The following LSAMP variants were observed in gnomAD, a reference collection of about 807,000 sequenced individuals.
LSAMP encodes limbic system associated membrane protein.
A neutral mutation model predicts 38.6 loss-of-function variants in LSAMP; 7 were observed. That is an observed-to-expected ratio of 0.18 (90% CI 0.10 to 0.34). LSAMP has a LOEUF of 0.34. Ranked by LOEUF, LSAMP falls within the 10% of genes least tolerant of loss-of-function variation. The pLI is 1.00. For missense variants in LSAMP, 313 were observed against 420.0 expected, an observed-to-expected ratio of 0.75 and a Z score of 2.23; for synonymous variants, 154 against 166.8, an observed-to-expected ratio of 0.92 and a Z score of 0.59.
chr3:116,404,718 A>G (rs962106679), intron 1 of LSAMP, among the ~76,000 whole-genome samples: 2 of 152,194 alleles, frequency 1.3e-5, no homozygotes, highest in Admixed American at 6.5e-5. Flanking sequence ...AGCCAACCTC[A>G]GACAGATCAC....
At chr3:116,331,673 T>C (rs865917731) in intron 1 of LSAMP, among the ~76,000 whole-genome samples, 9 of 152,236 alleles carry the variant, frequency 5.9e-5, no homozygotes, top group Non-Finnish European at 1.0e-4. Context: ...CATGGAGTTC[T>C]GCAAGGTAAA....
chr3:116,217,033 T>TC (rs1479977374), intron 1 of LSAMP, among the ~76,000 whole-genome samples: 1 of 152,174 alleles, frequency 6.6e-6, no homozygotes, highest in Non-Finnish European at 1.5e-5. Flanking sequence ...ATTGGAAATA[T>TC]CACAATCGGG....
chr3:116,034,344 C>T (rs1329334429), intron 2 of LSAMP, among the ~76,000 whole-genome samples: 2 of 152,034 alleles, frequency 1.3e-5, no homozygotes, highest in Admixed American at 1.3e-4. Flanking sequence ...ATTCTCAGCC[C>T]ATATCTCTTC....
intron 3 of LSAMP, among the ~76,000 whole-genome samples, chr3:115,965,473 A>G (rs1040249346): frequency 6.6e-6 from 1 of 151,958 alleles, no homozygotes; most frequent in Non-Finnish European, 1.5e-5. Flanking sequence ...TTCTCAAATA[A>G]GATACAAAAA....
At chr3:116,292,432 A>G (rs1189965534) in intron 1 of LSAMP, among the ~76,000 whole-genome samples, 1 of 152,216 alleles carries the variant, frequency 6.6e-6, no homozygotes, top group East Asian at 1.9e-4. Flanking sequence ...TGTGCTGCCT[A>G]TATCAGAGGG....
At chr3:116,050,019 G>C (rs1941364378) in intron 2 of LSAMP, among the ~76,000 whole-genome samples, 1 of 152,176 alleles carries the variant, frequency 6.6e-6, no homozygotes. Context: ...CCCCTGCTCT[G>C]TGCCCTGGGA....
At chr3:116,132,992 T>C (rs1211761403) in intron 1 of LSAMP, among the ~76,000 whole-genome samples, 1 of 152,200 alleles carries the variant, frequency 6.6e-6, no homozygotes, top group African/African-American at 2.4e-5. Flanking sequence ...GAGATCTTGG[T>C]TATAAATGGT....
chr3:116,368,549 C>T (rs1354753487), intron 1 of LSAMP, among the ~76,000 whole-genome samples: 1 of 152,134 alleles, frequency 6.6e-6, no homozygotes, highest in African/African-American at 2.4e-5. Flanking sequence ...CACAAAGCTG[C>T]ATGAAGAGTC....
intron 1 of LSAMP, among the ~76,000 whole-genome samples, chr3:116,267,852 T>C (rs2046912673): frequency 6.6e-6 from 1 of 152,038 alleles, no homozygotes; most frequent in Non-Finnish European, 1.5e-5. Context: ...AATCCTCCAG[T>C]TTATAGTCTC....
At chr3:115,979,562 A>G (rs763541210) in intron 3 of LSAMP, among the ~76,000 whole-genome samples, 2 of 152,148 alleles carry the variant, frequency 1.3e-5, no homozygotes, top group African/African-American at 4.8e-5. Context: ...GGGCCCAGAA[A>G]TATAAGCAGA....
chr3:116,388,995 C>T (rs1008277648), intron 1 of LSAMP, among the ~76,000 whole-genome samples: 1 of 152,134 alleles, frequency 6.6e-6, no homozygotes, highest in Non-Finnish European at 1.5e-5. Context: ...GGTGCAATTG[C>T]AAATCTCCAG....
rs187261833 is a variant in LSAMP, at chr3:116,260,395, G to A, written c.156-173839C>T. The stretch of plus-strand genomic sequence containing the variant: ...CACATACACATTTTTTAAAATTTTC[G>A]AATAATATATAAATAATAATGAACT... On this transcript the variant is annotated intron_variant, in intron 1 of 6. Coordinates refer to ENST00000490035, the MANE Select transcript of LSAMP (RefSeq NM_002338.5). Among the ~76,000 whole-genome samples the A allele has an allele frequency of 7.3e-4, 111 of 151,324 alleles. 2 individuals carry two copies. The East Asian group carries it at 0.015, about 20-fold the overall frequency.
rs551891329 is a variant in LSAMP at position 115,809,235 on chromosome 3, C to T, written c.*1082G>A. The stretch of plus-strand genomic sequence containing the variant: ...TCCTTATGCTGTTTGCTTACCCCAT[C>T]GATAGTAGGCACTTTCATTTACAGT... On this transcript the variant is annotated 3_prime_UTR_variant, in exon 7 of 7. Transcript: ENST00000490035. 5.6e-4 allele frequency: 85 copies of T among 152,290 alleles called. No homozygotes were observed. Among genetic ancestry groups the T allele is most frequent in the African/African-American group, 1.8e-3 (75 of 41,556 alleles). The allele number at this position is 152,290 out of a possible 1,614,324, so 9.4% of individuals were successfully genotyped here. A position where few individuals can be genotyped will look rare whatever the true frequency, so the allele number is the denominator to read the frequency against.
At chr3:116,260,420 T>G (rs2046809687) in intron 1 of LSAMP, among the ~76,000 whole-genome samples, 1 of 151,784 alleles carries the variant, frequency 6.6e-6, no homozygotes, top group South Asian at 2.1e-4. Context: ...AATAATGAAC[T>G]GCTATATTAA....
intron 3 of LSAMP, among the ~76,000 whole-genome samples, chr3:115,980,699 A>G (rs1939332395): frequency 1.3e-5 from 2 of 152,018 alleles, no homozygotes; most frequent in African/African-American, 4.8e-5. Flanking sequence ...ATCCACTTCT[A>G]TTTTCCATTT....
chr3:116,433,351 A>T, intron 1 of LSAMP, among the ~76,000 whole-genome samples: 1 of 152,212 alleles, frequency 6.6e-6, no homozygotes, highest in South Asian at 2.1e-4. Context: ...GAGATGCATC[A>T]TTAGACAATT....
intron 3 of LSAMP, among the ~76,000 whole-genome samples, chr3:115,955,405 G>A (rs544080641): frequency 9.9e-5 from 15 of 152,092 alleles, no homozygotes; most frequent in African/African-American, 2.2e-4. Flanking sequence ...CCAGCAGACC[G>A]TGTTCACTTC....
At chr3:116,053,574 T>C (rs1305710739) in intron 2 of LSAMP, among the ~76,000 whole-genome samples, 3 of 152,120 alleles carry the variant, frequency 2.0e-5, no homozygotes, top group African/African-American at 7.2e-5. Context: ...AAGAGGAAAT[T>C]GTAGGCTAAG....
At chr3:116,211,289 G>C (rs1372651909) in intron 1 of LSAMP, among the ~76,000 whole-genome samples, 2 of 152,140 alleles carry the variant, frequency 1.3e-5, no homozygotes, top group African/African-American at 2.4e-5. Flanking sequence ...GATGACTATA[G>C]TTCATAACAA....
Sources: allele counts gnomAD v4.1 joint callset (sites outside exome capture counted in the v4.1 genomes callset), GRCh38; gene constraint gnomAD v4.1.1; transcripts MANE v1.5; gene names NCBI Gene and HGNC (gene_info 2026-07-23, HGNC 2026-07-21).